The following BCL10 variants were observed in gnomAD, a reference collection of about 807,000 sequenced individuals.
The protein encoded by BCL10 is BCL10 immune signaling adaptor.
Under a neutral mutation model 19.2 loss-of-function variants are expected in BCL10, and 5 were observed. The observed-to-expected ratio is 0.26, with a 90% CI of 0.14 to 0.55. BCL10 has a LOEUF of 0.55. BCL10 is among the 20% of genes least tolerant of loss of function. BCL10 has a pLI of 0.94. For synonymous variants in BCL10, 110 were observed against 98.8 expected, an observed-to-expected ratio of 1.11 and a Z score of -0.67; for missense variants, 201 against 271.9, an observed-to-expected ratio of 0.74 and a Z score of 1.83.
At chr1:85,276,152 C>A in intron 1 of BCL10, 144 bp downstream of exon 1, 1 of 994,728 alleles carries the variant, frequency 1.0e-6, no homozygotes, top group Non-Finnish European at 1.6e-6. Flanking sequence ...GGATGCAGGG[C>A]TCGCCACAGT....
chr1:85,270,529 C>T (rs546603381), intron 2 of BCL10, 89 bp downstream of exon 2: 1 of 1,220,868 alleles, frequency 8.2e-7, no homozygotes, highest in South Asian at 1.4e-5. Context: ...CTGCCTTGGC[C>T]TCCTAAAGTG....
At chr1:85,274,645 G>A (rs1021519339) in intron 1 of BCL10, among the ~76,000 whole-genome samples, 8 of 152,176 alleles carry the variant, frequency 5.3e-5, no homozygotes. Context: ...TTCAATATTT[G>A]ACAAGGTGAG....
In BCL10 at chr1:85,267,055, C is replaced by T. The variant is rs1301387541; in HGVS notation, c.*572G>A. On this transcript the variant is annotated 3_prime_UTR_variant, in exon 3 of 3. Coordinates refer to ENST00000648566, the MANE Select transcript of BCL10 (RefSeq NM_003921.5). ...TTAATTAGAAATGAATTTTGGCAAA[C>T]CGAGATCTTAGGTGGCTCACACTCC... 5.3e-6 allele frequency: 1 copy of T among 190,428 alleles called. No individual in the cohort carries two copies. Among genetic ancestry groups the T allele is most frequent in the Non-Finnish European group, 1.1e-5 (1 of 90,858 alleles). 11.8% of individuals were successfully genotyped at this position (190,428 alleles called of 1,614,324 possible).
rs1302210524 is a variant in BCL10, at chr1:85,276,632, A to C, written c.-280T>G. 4 of 536,360 alleles carry C rather than the reference A, an allele frequency of 7.5e-6. No individual in the cohort carries two copies. Among genetic ancestry groups the C allele is most frequent in the African/African-American group, 3.9e-5 (2 of 51,896 alleles). 33.2% of individuals were successfully genotyped at this position (536,360 alleles called of 1,614,324 possible). On this transcript the variant is annotated 5_prime_UTR_variant, in exon 1 of 3. Coordinates refer to ENST00000648566, the MANE Select transcript of BCL10 (RefSeq NM_003921.5). ...CTCTCGTAGAGGCTCAGGCGCAGGCACCGCCCCACGGCGAGGCGCGTCGCT... is the reference window on the plus strand; with the variant it reads ...CTCTCGTAGAGGCTCAGGCGCAGGCCCCGCCCCACGGCGAGGCGCGTCGCT...
In BCL10 at chr1:85,266,893, A is replaced by G. The variant is rs976245450; in HGVS notation, c.*734T>C. On this transcript the variant is annotated 3_prime_UTR_variant, in exon 3 of 3. Coordinates refer to ENST00000648566, the MANE Select transcript of BCL10 (RefSeq NM_003921.5). ...GACTGTCTCAAAAAAAAAAAAAAAA[A>G]AAAAAGAAAAAAGGAAAAAATACCT... is the stretch of plus-strand genomic sequence containing the variant. The G allele has an allele frequency of 6.8e-5, 12 of 176,720 alleles. No homozygotes were observed. The highest frequency in any genetic ancestry group is 2.9e-4 in the East Asian group (3 of 10,526). The allele number at this position is 176,720 out of a possible 1,614,324, so 10.9% of individuals were successfully genotyped here. A position where few individuals can be genotyped will look rare whatever the true frequency, so the allele number is the denominator to read the frequency against.
rs1660530025 is a variant in BCL10, at chr1:85,276,291, C to T, written c.57+5G>A. On this transcript the variant is annotated splice_donor_5th_base_variant and intron_variant, in intron 1 of 2. Coordinates refer to ENST00000648566, the MANE Select transcript of BCL10 (RefSeq NM_003921.5). ...GCCCGCCCTGGGCACAGCTGCGTTACTCACGTCCTTCTTCACTTCAGTGAG... is the reference window on the plus strand; with the variant it reads ...GCCCGCCCTGGGCACAGCTGCGTTATTCACGTCCTTCTTCACTTCAGTGAG... 6.2e-7 allele frequency: 1 copy of T among 1,611,002 alleles called. No individual in the cohort carries two copies. The highest frequency in any genetic ancestry group is 8.5e-7 in the Non-Finnish European group (1 of 1,177,554).
At chr1:85,268,534 C>T (rs1011848490) in intron 2 of BCL10, among the ~76,000 whole-genome samples, 8 of 152,094 alleles carry the variant, frequency 5.3e-5, no homozygotes, top group Non-Finnish European at 1.2e-4. Context: ...CTTTGGGAGG[C>T]CGAAGTGGGC....
At chr1:85,272,074 A>C (rs1217147081) in intron 1 of BCL10, among the ~76,000 whole-genome samples, 1 of 152,210 alleles carries the variant, frequency 6.6e-6, no homozygotes, top group East Asian at 1.9e-4. Flanking sequence ...GGTCAAATAC[A>C]GGAAAAGCAC....
At position 85,267,767 on chromosome 1, in the gene BCL10, A is replaced by C. The variant is rs770885386; in HGVS notation, c.562T>G (p.Ser188Ala). ...CCAGGTCTGGGAAGTGTAGTTGAAG[A>C]GAAGATGGTATTTTCAGTTCTGCCT... ...EVGRTENTIF[S>A]STTLPRPGDP... The change falls in exon 3 of 3, where the codon TCT (serine) becomes GCT (alanine). Residue 188 changes from serine to alanine, a missense_variant. This residue lies in a region of BCL10 where 126 missense variants were observed against 136.6 expected (regional missense o/e 0.92). Coordinates refer to ENST00000648566, the MANE Select transcript of BCL10 (RefSeq NM_003921.5). The C allele has an allele frequency of 1.2e-6, 2 of 1,614,244 alleles. No homozygotes were observed. Among genetic ancestry groups the C allele is most frequent in the South Asian group, 1.1e-5 (1 of 91,088 alleles).
At chr1:85,272,403 A>AT (rs952747276) in intron 1 of BCL10, among the ~76,000 whole-genome samples, 17,375 of 133,440 alleles carry the variant, frequency 0.13, 1,194 homozygotes, top group Non-Finnish European at 0.15. Context: ...CTAATTTTTA[A>AT]TTTTTTTTTT....
In BCL10 at chr1:85,267,395, C is replaced by T. The variant is rs1271681119; in HGVS notation, c.*232G>A. Reference sequence around the variant, plus strand: ...AATATTTAAAAAAGTACTGAAAGACCTTAAAAAGGAAAAAAAGAAATTACT... The same window carrying T: ...AATATTTAAAAAAGTACTGAAAGACTTTAAAAAGGAAAAAAAGAAATTACT... On this transcript the variant is annotated 3_prime_UTR_variant, in exon 3 of 3. Transcript: ENST00000648566. 1 of 421,518 alleles carries T rather than the reference C, an allele frequency of 2.4e-6. No homozygotes were observed. Among genetic ancestry groups the T allele is most frequent in the African/African-American group, 2.0e-5 (1 of 48,790 alleles). 26.1% of individuals were successfully genotyped at this position (421,518 alleles called of 1,614,324 possible).
chr1:85,275,539 TC>T (rs1660496894), intron 1 of BCL10, among the ~76,000 whole-genome samples: 1 of 152,234 alleles, frequency 6.6e-6, no homozygotes, highest in Non-Finnish European at 1.5e-5. Flanking sequence ...TTTCTGTTTT[TC>T]ATTTGACTTC....
chr1:85,271,288 A>G (rs1318737489), intron 1 of BCL10, among the ~76,000 whole-genome samples: 2 of 152,254 alleles, frequency 1.3e-5, no homozygotes, highest in Non-Finnish European at 2.9e-5. Context: ...AGTCAGGACC[A>G]ATAACTTAGT....
At position 85,276,465 on chromosome 1, in the gene BCL10, G is replaced by A. The variant is rs1660536311; in HGVS notation, c.-113C>T. 2.4e-6 allele frequency: 3 copies of A among 1,275,538 alleles called. No individual in the cohort carries two copies. Among genetic ancestry groups the A allele is most frequent in the African/African-American group, 2.9e-5 (2 of 68,104 alleles). 79.0% of individuals were successfully genotyped at this position (1,275,538 alleles called of 1,614,324 possible). On this transcript the variant is annotated 5_prime_UTR_variant, in exon 1 of 3. Transcript: ENST00000648566. ...ATGGGGAAGAAGGAGAGGAGGCGGA[G>A]CGGGTCGGGAGAAAGACGGCCGCCC...
In BCL10 at chr1:85,266,265, A is replaced by T. The variant is rs1660186944; in HGVS notation, c.*1362T>A. ...GCACTCACTACTTTAAAAAAATTTT[A>T]TTGTTGATAGCAAAATTTCCATTTC... On this transcript the variant is annotated 3_prime_UTR_variant, in exon 3 of 3. Transcript: ENST00000648566. 1 of 185,960 alleles carries T rather than the reference A, an allele frequency of 5.4e-6. No individual in the cohort carries two copies. Among genetic ancestry groups the T allele is most frequent in the Non-Finnish European group, 1.1e-5 (1 of 87,982 alleles). 11.5% of individuals were successfully genotyped at this position (185,960 alleles called of 1,614,324 possible).
At position 85,275,255 on chromosome 1, in the gene BCL10, T is replaced by C. The variant is rs1158038444; in HGVS notation, c.57+1041A>G. On this transcript the variant is annotated intron_variant, in intron 1 of 2. Transcript: ENST00000648566. ...AAGCAGGAAACTGATCTTCATTTTT[T>C]TGTATCCTTCCAGACCCAAGGCCAG... Among the ~76,000 whole-genome samples, 10 of 152,238 alleles carry C rather than the reference T, an allele frequency of 6.6e-5. No individual in the cohort carries two copies. In the East Asian group the frequency reaches 1.9e-3, roughly 29 times the overall value.
Position 85,276,457 on chromosome 1 carries a change from G to T in BCL10, c.-105C>A. 1 of 1,337,598 alleles carries T rather than the reference G, an allele frequency of 7.5e-7. No homozygotes were observed. Among genetic ancestry groups the T allele is most frequent in the Non-Finnish European group, 1.1e-6 (1 of 942,778 alleles). The allele number at this position is 1,337,598 out of a possible 1,614,324, so 82.9% of individuals were successfully genotyped here. A position where few individuals can be genotyped will look rare whatever the true frequency, so the allele number is the denominator to read the frequency against. On this transcript the variant is annotated 5_prime_UTR_variant, in exon 1 of 3. Coordinates refer to ENST00000648566, the MANE Select transcript of BCL10 (RefSeq NM_003921.5). ...TCCGGGTAATGGGGAAGAAGGAGAG[G>T]AGGCGGAGCGGGTCGGGAGAAAGAC...
rs1269752025 is a variant in BCL10 at position 85,276,444 on chromosome 1, G to A, written c.-92C>T. 3 of 1,433,944 alleles carry A rather than the reference G, an allele frequency of 2.1e-6. No individual in the cohort carries two copies. The highest frequency in any genetic ancestry group is 1.7e-5 in the Admixed American group (1 of 58,226). The allele number at this position is 1,433,944 out of a possible 1,614,324, so 88.8% of individuals were successfully genotyped here. On this transcript the variant is annotated 5_prime_UTR_variant, in exon 1 of 3. Coordinates refer to ENST00000648566, the MANE Select transcript of BCL10 (RefSeq NM_003921.5). Reference sequence around the variant, plus strand: ...GGGGGCTTCGGCCTCCGGGTAATGGGGAAGAAGGAGAGGAGGCGGAGCGGG... The same window carrying A: ...GGGGGCTTCGGCCTCCGGGTAATGGAGAAGAAGGAGAGGAGGCGGAGCGGG...
chr1:85,270,562 T>G (rs1008336502), intron 2 of BCL10, 56 bp downstream of exon 2: 1 of 1,520,470 alleles, frequency 6.6e-7, no homozygotes. Flanking sequence ...CTGCTCTGCA[T>G]TTTTTAAAAG....
Sources: allele counts gnomAD v4.1 joint callset (sites outside exome capture counted in the v4.1 genomes callset), GRCh38; gene constraint gnomAD v4.1.1; regional missense constraint gnomAD v4.1.1; transcripts MANE v1.5; gene names NCBI Gene and HGNC (gene_info 2026-07-23, HGNC 2026-07-21).